DOCK7: variants seen among roughly 807,000 people sequenced by gnomAD.
DOCK7 encodes dedicator of cytokinesis protein 7.
Under a neutral mutation model 271.0 loss-of-function variants are expected in DOCK7, and 138 were observed. That is an observed-to-expected ratio of 0.51 (90% CI 0.44 to 0.59). The LOEUF (loss-of-function observed/expected upper bound fraction) is 0.59, where lower values mean the gene tolerates loss of function less well. DOCK7 is among the 20% of genes least tolerant of loss of function. DOCK7 has a pLI of 0.00. For missense variants in DOCK7, 2,066 were observed against 2,592.4 expected, an observed-to-expected ratio of 0.80 and a Z score of 4.41; for synonymous variants, 823 against 876.1, an observed-to-expected ratio of 0.94 and a Z score of 1.07.
chr1:62,561,721 T>C lies in DOCK7; in HGVS notation c.2113-18A>G, dbSNP rs201000785. 238 of 1,426,304 alleles carry C rather than the reference T, an allele frequency of 1.7e-4. 1 individual carries two copies. Among genetic ancestry groups the C allele is most frequent in the Admixed American group, 5.3e-4 (19 of 35,606 alleles). The allele number at this position is 1,426,304 out of a possible 1,614,324, so 88.4% of individuals were successfully genotyped here. ...AGAGGAACCTGTAAGATATTAAATA[T>C]AATGATCACAGATGCTTAAGTAGAT... On this transcript the variant is annotated intron_variant, in intron 18 of 49. Coordinates refer to ENST00000635253, the MANE Select transcript of DOCK7 (RefSeq NM_001367561.1).
At chr1:62,572,925 T>TA (rs903403726) in intron 18 of DOCK7, among the ~76,000 whole-genome samples, 14 of 152,260 alleles carry the variant, frequency 9.2e-5, no homozygotes, top group African/African-American at 2.6e-4. Context: ...TATAGATTTT[T>TA]AAAAAAATAA....
chr1:62,631,947 G>A (rs572869739), intron 10 of DOCK7, among the ~76,000 whole-genome samples: 9 of 152,224 alleles, frequency 5.9e-5, no homozygotes, highest in African/African-American at 2.2e-4. Context: ...ACTAAACGCT[G>A]GAAAAAGACT....
At chr1:62,584,931 C>A in intron 15 of DOCK7, 2 of 679,508 alleles carry the variant, frequency 2.9e-6, no homozygotes, top group East Asian at 2.7e-5. Context: ...GTTAGGTAAA[C>A]AATAAAAAAT....
At chr1:62,597,808 C>A in intron 14 of DOCK7, 1 of 1,613,278 alleles carries the variant, frequency 6.2e-7, no homozygotes, top group Non-Finnish European at 8.5e-7. Context: ...TTTGATCAGT[C>A]TTTTTATGAT....
intron 1 of DOCK7, among the ~76,000 whole-genome samples, chr1:62,677,506 G>A (rs60777764): frequency 0.012 from 1,760 of 152,108 alleles, 44 homozygotes; most frequent in African/African-American, 0.04. Flanking sequence ...AACACTTTGT[G>A]TGTGTGCAAA....
intron 48 of DOCK7, among the ~76,000 whole-genome samples, chr1:62,471,218 G>C (rs1645821908): frequency 6.6e-6 from 1 of 151,976 alleles, no homozygotes; most frequent in Admixed American, 6.6e-5. Flanking sequence ...GTCAATAGCA[G>C]GCTATTAGTT....
chr1:62,539,703 C>G, intron 26 of DOCK7, 45 bp from the exon 27 acceptor site: 2 of 1,611,132 alleles, frequency 1.2e-6, no homozygotes, highest in Non-Finnish European at 1.7e-6. Context: ...AGTATGATAG[C>G]TTAATCTGAG....
rs547196016 is a variant in DOCK7 at position 62,653,093 on chromosome 1, A to T, written c.389+632T>A. On this transcript the variant is annotated intron_variant, in intron 4 of 49. Coordinates refer to ENST00000635253, the MANE Select transcript of DOCK7 (RefSeq NM_001367561.1). ...ACTTCAATCATATCTCCTTCAGAAA[A>T]ATCAAATAAGGTTAAGAAGATTCAG... 3.0e-3 allele frequency among the ~76,000 whole-genome samples: 452 copies of T among 152,320 alleles called. 4 individuals carry two copies. The highest frequency in any genetic ancestry group is 0.022 in the South Asian group (107 of 4,828).
chr1:62,492,708 G>C lies in DOCK7; in HGVS notation c.5357C>G (p.Ser1786Cys). 6.2e-7 allele frequency: 1 copy of C among 1,614,026 alleles called. No homozygotes were observed. Among genetic ancestry groups the C allele is most frequent in the African/African-American group, 1.3e-5 (1 of 75,050 alleles). ...GAATTAACAAGAGTCATCTACCATA[G>C]AGAAGGAAGCAGCTGCTTGTTCCAG... Reference protein sequence around the residue: ...GLLEQAAASFSMAGMYEAVNE... With the variant: ...GLLEQAAASFCMAGMYEAVNE... The change falls in exon 41 of 50, where the codon TCT becomes TGT. Residue 1786 changes from serine to cysteine, a missense_variant. Transcript: ENST00000635253.
intron 18 of DOCK7, 98 bp from the exon 19 acceptor site, chr1:62,561,801 G>C: frequency 1.1e-5 from 7 of 611,670 alleles, no homozygotes; most frequent in Non-Finnish European, 1.9e-5. Context: ...AAAATATTGT[G>C]AAAATATATT....
chr1:62,575,019 C>A (rs1646902126), intron 18 of DOCK7, among the ~76,000 whole-genome samples: 1 of 152,074 alleles, frequency 6.6e-6, no homozygotes, highest in Non-Finnish European at 1.5e-5. Flanking sequence ...GCATGAGCCA[C>A]CACACCTGGC....
chr1:62,670,566 A>G (rs1659862898), intron 1 of DOCK7, among the ~76,000 whole-genome samples: 1 of 152,114 alleles, frequency 6.6e-6, no homozygotes, highest in Non-Finnish European at 1.5e-5. Context: ...GTTTGTAAAC[A>G]CACCAATCAG....
chr1:62,607,320 C>A (rs752774750), intron 14 of DOCK7, among the ~76,000 whole-genome samples: 1 of 152,170 alleles, frequency 6.6e-6, no homozygotes, highest in Non-Finnish European at 1.5e-5. Flanking sequence ...ATTAATATGA[C>A]CAGCATGTTC....
At chr1:62,588,914 T>G (rs537356972) in intron 14 of DOCK7, among the ~76,000 whole-genome samples, 35 of 152,204 alleles carry the variant, frequency 2.3e-4, no homozygotes, top group African/African-American at 8.4e-4. Context: ...CTAATTTTTC[T>G]ATTTTTTTGT....
intron 14 of DOCK7, chr1:62,604,725 G>C: frequency 6.2e-7 from 1 of 1,613,028 alleles, no homozygotes; most frequent in Non-Finnish European, 8.5e-7. Context: ...GAGGAGAAGA[G>C]GATTATCTTG....
intron 14 of DOCK7, among the ~76,000 whole-genome samples, chr1:62,606,336 T>C (rs367905855): frequency 3.3e-5 from 5 of 151,622 alleles, no homozygotes; most frequent in African/African-American, 9.7e-5. Context: ...AAAACTCTCA[T>C]AGGACATGTT....
intron 33 of DOCK7, chr1:62,511,396 G>C (rs1644480168): frequency 6.6e-6 from 1 of 152,118 alleles, no homozygotes; most frequent in Non-Finnish European, 1.5e-5. Flanking sequence ...TGAGAATGTG[G>C]AGAATACACA....
chr1:62,647,817 A>G lies in DOCK7; in HGVS notation c.733-41T>C. 1.5e-6 allele frequency: 2 copies of G among 1,372,678 alleles called. 1 individual carries two copies. Among genetic ancestry groups the G allele is most frequent in the Non-Finnish European group, 2.0e-6 (2 of 976,430 alleles). 85.0% of individuals were successfully genotyped at this position (1,372,678 alleles called of 1,614,324 possible). On this transcript the variant is annotated intron_variant, in intron 6 of 49. Transcript: ENST00000635253. ...CAACACCAAAATGAATATGCTTATC[A>G]TATTCCAACTCTTTATCTTTTTCAG...
intron 27 of DOCK7, 75 bp from the exon 28 acceptor site, chr1:62,538,136 A>G: frequency 6.8e-7 from 1 of 1,463,064 alleles, no homozygotes; most frequent in Non-Finnish European, 9.2e-7. Context: ...AGAATGGCAA[A>G]TTAGAATTAA....
Sources: allele counts gnomAD v4.1 joint callset (sites outside exome capture counted in the v4.1 genomes callset), GRCh38; gene constraint gnomAD v4.1.1; transcripts MANE v1.5; gene names NCBI Gene and HGNC (gene_info 2026-07-23, HGNC 2026-07-21).